Variants in LRRC28 observed in about 807,000 individuals in gnomAD.
The protein encoded by LRRC28 is leucine-rich repeat-containing protein 28.
A neutral mutation model predicts 45.7 loss-of-function variants in LRRC28; 39 were observed. That is an observed-to-expected ratio of 0.85 (90% CI 0.66 to 1.12). The LOEUF (loss-of-function observed/expected upper bound fraction) is 1.12, where lower values mean the gene tolerates loss of function less well. Among genes scored for constraint, LRRC28 ranks in the 50% most tolerant of loss-of-function variants. The pLI, the probability that LRRC28 is intolerant of heterozygous loss-of-function variation, is 0.00. For synonymous variants in LRRC28, 206 were observed against 178.8 expected (o/e 1.15, Z -1.22); for missense variants, 435 against 438.5 (o/e 0.99, Z 0.07).
Position 99,287,891 on chromosome 15 carries a change from C to T in LRRC28, c.325C>T (p.Arg109Cys), listed in dbSNP as rs776128311. The T allele has an allele frequency of 6.2e-6, 10 of 1,613,648 alleles. No homozygotes were observed. Among genetic ancestry groups the T allele is most frequent in the South Asian group, 2.2e-5 (2 of 91,040 alleles). The stretch of plus-strand genomic sequence containing the variant: ...AGAAATTGTTTGCCCAGAAATTGGT[C>T]GTCTGAGAGCTTTACGTCATCTTCG... ...ALEIVCPEIG[R>C]LRALRHLRLA... The change falls in exon 5 of 10, where the codon CGT (arginine) becomes TGT (cysteine). Residue 109 changes from arginine to cysteine, a missense_variant. Physicochemically the swap from Arg to Cys is radical, Grantham distance 180 (BLOSUM62 -3). Transcript: ENST00000301981.
At chr15:99,302,926 T>C (rs1356840925) in intron 5 of LRRC28, among the ~76,000 whole-genome samples, 3 of 152,238 alleles carry the variant, frequency 2.0e-5, no homozygotes, top group African/African-American at 7.2e-5. Context: ...TTAGGCTGTC[T>C]CCAGTTTGGG....
In LRRC28 at chr15:99,275,322, A is replaced by G. The variant is rs75020438; in HGVS notation, c.169-1254A>G. On this transcript the variant is annotated intron_variant, in intron 2 of 9. Transcript: ENST00000301981. ...CTGACTTCTTCTGGGTAAAGGACCT[A>G]GGTTTGTCTGCCTTTCTTTCTCCTG... 2.4e-3 allele frequency among the ~76,000 whole-genome samples: 369 copies of G among 152,204 alleles called. 1 individual carries two copies. The highest frequency in any genetic ancestry group is 4.1e-3 in the Non-Finnish European group (280 of 67,996).
chr15:99,272,713 T>C (rs1318114741), intron 2 of LRRC28, among the ~76,000 whole-genome samples: 2 of 152,216 alleles, frequency 1.3e-5, no homozygotes, highest in Non-Finnish European at 2.9e-5. Flanking sequence ...GTAAATGAGA[T>C]TTAATGAAGA....
chr15:99,305,242 G>A (rs1390163654), intron 5 of LRRC28, among the ~76,000 whole-genome samples: 3 of 152,176 alleles, frequency 2.0e-5, no homozygotes, highest in African/African-American at 4.8e-5. Flanking sequence ...AAATGTGAAT[G>A]AATTTTCTGT....
rs545502542 is a variant in LRRC28, at chr15:99,325,651, A to T, written c.386-8272A>T. Among the ~76,000 whole-genome samples, 3 of 152,348 alleles carry T rather than the reference A, an allele frequency of 2.0e-5. No homozygotes were observed. The South Asian group carries it at 6.2e-4, about 32-fold the overall frequency. On this transcript the variant is annotated intron_variant, in intron 5 of 9. Transcript: ENST00000301981. ...TCCTAGTTTGTTGAGAGTAGTTATCATGAGTGGATTTTAGATTTTGTGAAA... is the reference window on the plus strand; with the variant it reads ...TCCTAGTTTGTTGAGAGTAGTTATCTTGAGTGGATTTTAGATTTTGTGAAA...
chr15:99,353,853 T>G (rs1195056185), intron 7 of LRRC28: 2 of 152,224 alleles, frequency 1.3e-5, no homozygotes, highest in Non-Finnish European at 2.9e-5. Context: ...TAGATGTTAT[T>G]GACTACTAGA....
chr15:99,371,186 C>T (rs546406969), intron 9 of LRRC28, among the ~76,000 whole-genome samples: 74 of 152,292 alleles, frequency 4.9e-4, no homozygotes, highest in African/African-American at 1.8e-3. Context: ...TCAAAAGACT[C>T]ATCCTCTTGT....
At position 99,264,557 on chromosome 15, in the gene LRRC28, T is replaced by G. The variant is rs571088721; in HGVS notation, c.168+8432T>G. On this transcript the variant is annotated intron_variant, in intron 2 of 9. Coordinates refer to ENST00000301981, the MANE Select transcript of LRRC28 (RefSeq NM_144598.5). The stretch of plus-strand genomic sequence containing the variant: ...ATCTCCACTTCAGCGGGAGCAGCTC[T>G]TCTTTTGTTTGAGTATTGATGTTCT... Among the ~76,000 whole-genome samples, 3 of 152,320 alleles carry G rather than the reference T, an allele frequency of 2.0e-5. No individual in the cohort carries two copies. The East Asian group carries it at 5.8e-4, about 29-fold the overall frequency.
At chr15:99,290,925 A>C (rs2082105887) in intron 5 of LRRC28, among the ~76,000 whole-genome samples, 1 of 152,160 alleles carries the variant, frequency 6.6e-6, no homozygotes, top group African/African-American at 2.4e-5. Flanking sequence ...CTCTGATTGC[A>C]GTATTGCACT....
At chr15:99,296,169 G>A (rs568602800) in intron 5 of LRRC28, among the ~76,000 whole-genome samples, 37 of 152,306 alleles carry the variant, frequency 2.4e-4, no homozygotes, top group African/African-American at 8.9e-4. Context: ...TTTTTCAGAG[G>A]TGCTGATCCC....
chr15:99,323,020 T>G (rs570522572), intron 5 of LRRC28, among the ~76,000 whole-genome samples: 1 of 152,336 alleles, frequency 6.6e-6, no homozygotes, highest in Admixed American at 6.5e-5. Context: ...ATCCAGTAAT[T>G]TCTCACAATT....
intron 6 of LRRC28, among the ~76,000 whole-genome samples, chr15:99,344,479 A>G (rs2152307918): frequency 6.6e-6 from 1 of 152,344 alleles, no homozygotes; most frequent in East Asian, 1.9e-4. Context: ...GCTAATGTAT[A>G]ATACATCTGA....
chr15:99,316,170 T>C (rs1955585707), intron 5 of LRRC28, among the ~76,000 whole-genome samples: 1 of 152,206 alleles, frequency 6.6e-6, no homozygotes, highest in Non-Finnish European at 1.5e-5. Flanking sequence ...GTTGACAATA[T>C]TTCTGAATGT....
At position 99,377,953 on chromosome 15, in the gene LRRC28, T is replaced by G. The variant is rs185278110; in HGVS notation, c.1032-8077T>G. Among the ~76,000 whole-genome samples the G allele has an allele frequency of 6.6e-3, 999 of 152,268 alleles. 9 individuals are homozygous for G. The highest frequency in any genetic ancestry group is 9.9e-3 in the Non-Finnish European group (674 of 68,018). ...CTGTTTTGGTTACTATATCCTTGTA[T>G]TATAGTTTGAAGTCAGGTAGCATGA... On this transcript the variant is annotated intron_variant, in intron 9 of 9. Transcript: ENST00000301981.
chr15:99,342,211 C>T (rs1399625548), intron 6 of LRRC28, among the ~76,000 whole-genome samples: 1 of 152,188 alleles, frequency 6.6e-6, no homozygotes, highest in Non-Finnish European at 1.5e-5. Context: ...ATGTCTGCTT[C>T]AAGACCCCAC....
intron 5 of LRRC28, among the ~76,000 whole-genome samples, chr15:99,318,684 A>G (rs926611320): frequency 4.6e-5 from 7 of 152,100 alleles, no homozygotes; most frequent in African/African-American, 4.8e-5. Flanking sequence ...CTCTAATGCA[A>G]TGTTTTTCAT....
chr15:99,377,384 GA>G (rs1170303330), intron 9 of LRRC28, among the ~76,000 whole-genome samples: 4 of 152,132 alleles, frequency 2.6e-5, no homozygotes, highest in African/African-American at 9.7e-5. Flanking sequence ...CCCACTTTTT[GA>G]TGGGTCTGTT....
chr15:99,366,027 T>C (rs544844021), intron 9 of LRRC28, among the ~76,000 whole-genome samples: 32 of 152,300 alleles, frequency 2.1e-4, no homozygotes, highest in African/African-American at 7.7e-4. Context: ...CATGTATGGG[T>C]CTTACAAGTT....
At chr15:99,375,254 C>T (rs1957595226) in intron 9 of LRRC28, among the ~76,000 whole-genome samples, 1 of 152,032 alleles carries the variant, frequency 6.6e-6, no homozygotes, top group Non-Finnish European at 1.5e-5. Context: ...TTTTCTTTTG[C>T]CTGTTGATAT....
Sources: gnomAD v4.1 joint callset for allele counts (sites outside exome capture counted in the v4.1 genomes callset) on GRCh38, gnomAD v4.1.1 for gene constraint, MANE v1.5 for transcripts, NCBI Gene and HGNC (gene_info 2026-07-23, HGNC 2026-07-21) for gene names.